Variants in NCOR2 observed in about 807,000 individuals in gnomAD.
NCOR2 encodes CTG repeat protein 26.
In NCOR2, 81 loss-of-function variants were observed where a neutral mutation model predicts 262.9. The ratio of observed to expected loss-of-function variants is 0.31; its 90% CI spans 0.26 to 0.37. The LOEUF (loss-of-function observed/expected upper bound fraction) is 0.37. NCOR2 is among the 10% of genes least tolerant of loss of function. The pLI is 1.00. For synonymous variants in NCOR2, 1,659 were observed against 1,559.3 expected (o/e 1.06, Z -1.51); for missense variants, 3,385 against 3,621.4 (o/e 0.93, Z 1.68).
At chr12:124,343,529 G>A (rs1403614536) in intron 32 of NCOR2, among the ~76,000 whole-genome samples, 2 of 152,176 alleles carry the variant, frequency 1.3e-5, no homozygotes, top group Admixed American at 1.3e-4. Context: ...AGAAATCCCA[G>A]CCCTCACAAG....
intron 6 of NCOR2, among the ~76,000 whole-genome samples, chr12:124,455,456 G>A (rs1007244620): frequency 3.9e-5 from 6 of 152,244 alleles, no homozygotes; most frequent in African/African-American, 1.4e-4. Context: ...CAGGTGGGCA[G>A]CTGGGCCCTG....
intron 27 of NCOR2, among the ~76,000 whole-genome samples, chr12:124,352,326 C>T (rs1168547448): frequency 6.6e-6 from 1 of 152,076 alleles, no homozygotes; most frequent in South Asian, 2.1e-4. Context: ...TACTGAACAC[C>T]ACAATAAATG....
At chr12:124,533,133 G>A (rs148703715) in intron 1 of NCOR2, among the ~76,000 whole-genome samples, 22 of 149,850 alleles carry the variant, frequency 1.5e-4, no homozygotes, top group Non-Finnish European at 2.4e-4. Flanking sequence ...AAACCTGGTT[G>A]TGAGGCCCAG....
intron 13 of NCOR2, among the ~76,000 whole-genome samples, chr12:124,414,691 G>T (rs574676863): frequency 2.0e-5 from 3 of 152,256 alleles, no homozygotes; most frequent in Admixed American, 1.3e-4. Context: ...CATCGGGGAA[G>T]AGGCAGACAG....
chr12:124,563,617 T>A (rs2052140123), intron 1 of NCOR2, among the ~76,000 whole-genome samples: 1 of 152,272 alleles, frequency 6.6e-6, no homozygotes, highest in Admixed American at 6.5e-5. Flanking sequence ...TGCAGCTTTC[T>A]GGAGCACCAT....
chr12:124,517,666 C>A lies in NCOR2; in HGVS notation c.-118+17899G>T, dbSNP rs564857686. Among the ~76,000 whole-genome samples, 1 of 152,210 alleles carries A rather than the reference C, an allele frequency of 6.6e-6. No individual in the cohort carries two copies. The highest frequency in any genetic ancestry group is 1.5e-5 in the Non-Finnish European group (1 of 68,028). Reference sequence around the variant, plus strand: ...ACTCCGGGAACAGAAGCCCCCTGAGCCCCCAAGGCTCGCCATGCTCCCCCC... The same window carrying A: ...ACTCCGGGAACAGAAGCCCCCTGAGACCCCAAGGCTCGCCATGCTCCCCCC... On this transcript the variant is annotated intron_variant, in intron 1 of 46. Coordinates refer to the NCOR2 transcript ENST00000404621. The surrounding 1 kb of genome is among the most constrained non-coding windows in gnomAD (Gnocchi z 7.6).
chr12:124,368,470 TCCAAGGCCCC>T (rs2039215446), intron 20 of NCOR2, among the ~76,000 whole-genome samples: 6 of 152,044 alleles, frequency 3.9e-5, no homozygotes, highest in Admixed American at 3.9e-4. Flanking sequence ...CCCTTGCCTC[TCCAAGGCCCC>T]AAGATAAAAC....
At chr12:124,451,752 G>A (rs1351548216) in intron 6 of NCOR2, among the ~76,000 whole-genome samples, 3 of 152,190 alleles carry the variant, frequency 2.0e-5, no homozygotes, top group Non-Finnish European at 4.4e-5. Flanking sequence ...GGGCAGGGCT[G>A]CAGCGACAGA....
At chr12:124,430,632 C>T in exon 9 of NCOR2, 1 of 1,613,152 alleles carries the variant, frequency 6.2e-7, no homozygotes, top group Non-Finnish European at 8.5e-7. Flanking sequence ...TGCGCTCCTG[C>T]AGCTCGCGCT....
intron 44 of NCOR2, 95 bp from the exon 47 acceptor site, chr12:124,327,728 A>AAGGAGGAGG: frequency 1.2e-6 from 1 of 819,972 alleles, no homozygotes. Flanking sequence ...AGAGAGAGGG[A>AAGGAGGAGG]AGGAGGAGGA....
At chr12:124,349,390 G>A (rs527477805) in intron 28 of NCOR2, among the ~76,000 whole-genome samples, 12 of 152,280 alleles carry the variant, frequency 7.9e-5, no homozygotes, top group South Asian at 4.1e-4. Context: ...TGTGGCCCAC[G>A]GCCCGTGAGC....
chr12:124,497,666 T>A (rs1450060442), upstream of NCOR2, among the ~76,000 whole-genome samples: 4 of 152,220 alleles, frequency 2.6e-5, no homozygotes, highest in Non-Finnish European at 5.9e-5. The surrounding 1 kb of genome is among the most constrained non-coding windows in gnomAD (Gnocchi z 4.2). Context: ...ATATTCCGAC[T>A]GCCTAAGTCC....
chr12:124,422,692 AG>A, intron 11 of NCOR2, 137 bp from the exon 14 acceptor site: 5 of 570,326 alleles, frequency 8.8e-6, no homozygotes, highest in East Asian at 5.7e-5. Flanking sequence ...AATTAAGCCC[AG>A]GGGGGTGTGG....
chr12:124,379,550 G>C (rs956439567), intron 17 of NCOR2, among the ~76,000 whole-genome samples: 1 of 152,192 alleles, frequency 6.6e-6, no homozygotes, highest in Admixed American at 6.5e-5. Context: ...GACACTGGGG[G>C]GTGCCCACCA....
exon 23 of NCOR2, chr12:124,356,760 C>T: frequency 5.4e-6 from 8 of 1,488,962 alleles, no homozygotes; most frequent in African/African-American, 1.5e-5. Flanking sequence ...CCCCAGGCAG[C>T]TTCTGGGCCT....
rs2136779900 is a variant in NCOR2, at chr12:124,481,310, A to C, written c.411+2286T>G. The stretch of plus-strand genomic sequence containing the variant: ...GGAACTGGCATCGACACCAGTCCCA[A>C]GCCCAGACCCAAGTGCAGGCGGCCC... On this transcript the variant is annotated intron_variant, in intron 3 of 46. Coordinates refer to ENST00000405201, the Ensembl canonical transcript of NCOR2. This position sits in a 1 kb window ranked among gnomAD's most constrained non-coding sequence, Gnocchi z 4.6. Among the ~76,000 whole-genome samples the C allele has an allele frequency of 6.6e-6, 1 of 152,196 alleles. No homozygotes were observed. The highest frequency in any genetic ancestry group is 2.1e-4 in the South Asian group (1 of 4,824).
rs58198311 is a variant in NCOR2 at position 124,339,365 on chromosome 12, CACCTACCTACCTACCT to C, written c.5687+625_5687+640del. Among the ~76,000 whole-genome samples, 574 of 130,914 alleles carry C rather than the reference CACCTACCTACCTACCT, an allele frequency of 4.4e-3. 10 individuals carry two copies. Among genetic ancestry groups the C allele is most frequent in the African/African-American group, 0.015 (472 of 31,130 alleles). The allele number at this position is 130,914 out of a possible 152,430, so 85.9% of individuals were successfully genotyped here. On this transcript the variant is annotated intron_variant, in intron 37 of 46. Transcript: ENST00000405201. The stretch of plus-strand genomic sequence containing the variant: ...TAACTCAGTCATTTATCCTCTTAGC[CACCTACCTACCTACCT>C]ACCTACCTACCTACCTACCTACCAC...
chr12:124,523,861 G>A lies in NCOR2; in HGVS notation c.-118+11704C>T, dbSNP rs2050320733. ...GGGGACGGGGCTGGGAAGTGGCAATGTCGGTTTTGAACTCAGCAAGTGTGA... is the reference window on the plus strand; with the variant it reads ...GGGGACGGGGCTGGGAAGTGGCAATATCGGTTTTGAACTCAGCAAGTGTGA... On this transcript the variant is annotated intron_variant, in intron 1 of 46. Coordinates refer to the NCOR2 transcript ENST00000404621. The surrounding 1 kb of genome is among the most constrained non-coding windows in gnomAD (Gnocchi z 4.0). Among the ~76,000 whole-genome samples, 1 of 152,146 alleles carries A rather than the reference G, an allele frequency of 6.6e-6. No individual in the cohort carries two copies. Among genetic ancestry groups the A allele is most frequent in the South Asian group, 2.1e-4 (1 of 4,830 alleles).
chr12:124,500,079 A>G (rs1005235080), upstream of NCOR2, among the ~76,000 whole-genome samples: 5 of 152,116 alleles, frequency 3.3e-5, no homozygotes, highest in Non-Finnish European at 7.4e-5. Flanking sequence ...GTGCTCAGCC[A>G]TGCAGAGTCA....
Sources: gnomAD v4.1 joint callset for allele counts (sites outside exome capture counted in the v4.1 genomes callset) on GRCh38, gnomAD v4.1.1 for gene constraint, Gnocchi (gnomAD v3.1) non-coding constraint, MANE v1.5 for transcripts, NCBI Gene and HGNC (gene_info 2026-07-23, HGNC 2026-07-21) for gene names.